Variants in PIGZ observed in about 807,000 individuals in gnomAD.
The protein encoded by PIGZ is phosphatidylinositol glycan anchor biosynthesis class Z (Gwada blood group).
A neutral mutation model predicts 16.4 loss-of-function variants in PIGZ; 16 were observed. The observed-to-expected ratio is 0.97, with a 90% CI of 0.66 to 1.48. PIGZ has a LOEUF of 1.48. Among genes scored for constraint, PIGZ ranks in the 40% most tolerant of loss-of-function variants. PIGZ has a pLI of 0.00. For missense variants in PIGZ, 770 were observed against 739.2 expected (o/e 1.04, Z -0.48); for synonymous variants, 409 against 338.4 (o/e 1.21, Z -2.29).
At chr3:196,960,053 T>G (rs1386757589) in intron 1 of PIGZ, among the ~76,000 whole-genome samples, 1 of 152,232 alleles carries the variant, frequency 6.6e-6, no homozygotes, top group Non-Finnish European at 1.5e-5. Flanking sequence ...CCCCACTTTG[T>G]GGGAATGGAG....
chr3:196,968,187 TGGCCCGAAGTGCAGCCCCC>T (rs1456422593), intron 1 of PIGZ, among the ~76,000 whole-genome samples: 9 of 152,196 alleles, frequency 5.9e-5, no homozygotes, highest in Non-Finnish European at 1.2e-4. Context: ...AGTGCAGGCC[TGGCCCGAAGTGCAGCCCCC>T]GAGGCCGGGA....
At position 196,947,354 on chromosome 3, in the gene PIGZ, A is replaced by G; in HGVS notation, c.1543T>C (p.Trp515Arg). ...QPACQVAGGPWLCRLFVVTPG... is the reference protein window; with the variant it reads ...QPACQVAGGPRLCRLFVVTPG... ...GTTACCACAAAGAGGCGGCAGAGCC[A>G]TGGCCCACCAGCCACTTGGCAGGCT... Residue 515 changes from tryptophan to arginine, a missense_variant, in exon 3 of 3, where the codon TGG becomes CGG. Coordinates refer to ENST00000412723, the MANE Select transcript of PIGZ (RefSeq NM_025163.4). The G allele has an allele frequency of 1.2e-6, 2 of 1,614,198 alleles. No homozygotes were observed. The highest frequency in any genetic ancestry group is 1.7e-6 in the Non-Finnish European group (2 of 1,180,040).
At chr3:196,961,154 T>C (rs1032295919) in intron 1 of PIGZ, among the ~76,000 whole-genome samples, 1 of 152,194 alleles carries the variant, frequency 6.6e-6, no homozygotes, top group African/African-American at 2.4e-5. Flanking sequence ...GCTGTGGTGG[T>C]TGGGCAATGG....
In PIGZ at chr3:196,947,223, G is replaced by A. The variant is rs751718300; in HGVS notation, c.1674C>T (p.Ser558=). The change falls in exon 3 of 3, where the codon TCC becomes TCT. Residue 558 remains serine (S), a synonymous_variant. Transcript: ENST00000412723. ...LTLEDPPALS[S]LLSGAWRDHL... The stretch of plus-strand genomic sequence containing the variant: ...GGTCCCTCCAAGCCCCACTCAGCAA[G>A]GAGGACAGGGCTGGTGGATCCTCCA... 6.2e-7 allele frequency: 1 copy of A among 1,605,398 alleles called. No homozygotes were observed. Among genetic ancestry groups the A allele is most frequent in the South Asian group, 1.1e-5 (1 of 89,310 alleles).
chr3:196,947,317 G>T lies in PIGZ; in HGVS notation c.1580C>A (p.Thr527Asn), dbSNP rs751701476. 25 of 1,614,060 alleles carry T rather than the reference G, an allele frequency of 1.5e-5. No homozygotes were observed. Among genetic ancestry groups the T allele is most frequent in the Non-Finnish European group, 2.0e-5 (24 of 1,180,022 alleles). Residue 527 changes from threonine to asparagine, a missense_variant, in exon 3 of 3, where the codon ACC becomes AAC. By Grantham distance (65) the Thr-to-Asn change is moderately conservative (BLOSUM62 0). Transcript: ENST00000412723. Reference sequence around the variant, plus strand: ...GCTGCACTTCTCCACGGCACGCCTGGTGGTGCCAGGGGTTACCACAAAGAG... The same window carrying T: ...GCTGCACTTCTCCACGGCACGCCTGTTGGTGCCAGGGGTTACCACAAAGAG... ...CRLFVVTPGT[T>N]RRAVEKCSFP...
chr3:196,957,381 C>CTTT (rs34320533), intron 1 of PIGZ, among the ~76,000 whole-genome samples: 3 of 143,590 alleles, frequency 2.1e-5, no homozygotes, highest in Non-Finnish European at 3.0e-5. Context: ...TTTTTTCTTC[C>CTTT]TTTTTTTTTT....
In PIGZ at chr3:196,961,495, G is replaced by T. The variant is rs559134874; in HGVS notation, c.-1+7192C>A. ...GTGGTGGTGCACCCCTGTAGTCCCA[G>T]CTCCTTGGGAGGCAGAGGCAGGAGG... On this transcript the variant is annotated intron_variant, in intron 1 of 2. Transcript: ENST00000412723. 5.9e-4 allele frequency among the ~76,000 whole-genome samples: 90 copies of T among 152,292 alleles called. 1 individual carries two copies. The highest frequency in any genetic ancestry group is 3.4e-3 in the Middle Eastern group (1 of 294).
rs937016154 is a variant in PIGZ, at chr3:196,965,550, C to T, written c.-1+3137G>A. 6.6e-6 allele frequency among the ~76,000 whole-genome samples: 1 copy of T among 152,182 alleles called. No individual in the cohort carries two copies. Among genetic ancestry groups the T allele is most frequent in the Non-Finnish European group, 1.5e-5 (1 of 68,038 alleles). ...ACGGGCTATCTCCCTCCTCCTTTGT[C>T]CCTGCACTACGTAATGCCAACGTTG... On this transcript the variant is annotated intron_variant, in intron 1 of 2. Transcript: ENST00000412723. This position sits in a 1 kb window ranked among gnomAD's most constrained non-coding sequence, Gnocchi z 4.2.
intron 1 of PIGZ, among the ~76,000 whole-genome samples, chr3:196,959,576 A>G (rs981554778): frequency 6.6e-6 from 1 of 152,094 alleles, no homozygotes; most frequent in Admixed American, 6.5e-5. Context: ...TCTTAGAAAA[A>G]CAACCAACCA....
chr3:196,967,946 T>C (rs772261400), intron 1 of PIGZ, among the ~76,000 whole-genome samples: 7 of 152,200 alleles, frequency 4.6e-5, no homozygotes, highest in Non-Finnish European at 1.0e-4. Flanking sequence ...ATTTTGAAAG[T>C]AGTTCTCAGT....
At chr3:196,967,927 G>T (rs1182938803) in intron 1 of PIGZ, among the ~76,000 whole-genome samples, 1 of 152,250 alleles carries the variant, frequency 6.6e-6, no homozygotes, top group African/African-American at 2.4e-5. Flanking sequence ...GGAGATGGGG[G>T]TGTTGACGAT....
At chr3:196,957,785 A>G (rs914527579) in intron 1 of PIGZ, among the ~76,000 whole-genome samples, 9 of 152,212 alleles carry the variant, frequency 5.9e-5, no homozygotes, top group Non-Finnish European at 1.3e-4. Flanking sequence ...AGTAAGCTTT[A>G]TCTTCTGTCC....
At chr3:196,960,761 A>AAGAAAGAAAGAAAGAC (rs761375018) in intron 1 of PIGZ, among the ~76,000 whole-genome samples, 3 of 151,530 alleles carry the variant, frequency 2.0e-5, no homozygotes, top group East Asian at 3.8e-4. Flanking sequence ...GAAAGAAAGA[A>AAGAAAGAAAGAAAGAC]AGAAAAGAAA....
chr3:196,956,396 C>T (rs990431732), intron 1 of PIGZ, among the ~76,000 whole-genome samples: 12 of 152,138 alleles, frequency 7.9e-5, no homozygotes, highest in Admixed American at 1.3e-4. Context: ...GAGAAGCAAG[C>T]GAATGAGACG....
chr3:196,946,852 T>A lies in PIGZ; in HGVS notation c.*305A>T. ...TGTCTTTTTTCACAACCAGGTACTA[T>A]CACATATTTCAAACATCACAGTGGC... is the stretch of plus-strand genomic sequence containing the variant. On this transcript the variant is annotated 3_prime_UTR_variant, in exon 3 of 3. Transcript: ENST00000412723. 3.2e-6 allele frequency: 1 copy of A among 312,190 alleles called. No individual in the cohort carries two copies. The highest frequency in any genetic ancestry group is 5.7e-5 in the East Asian group (1 of 17,494). The allele number at this position is 312,190 out of a possible 1,614,324, so 19.3% of individuals were successfully genotyped here.
rs746799326 is a variant in PIGZ at position 196,947,452 on chromosome 3, AC to A, written c.1444del (p.Val482TrpfsTer18). 1.3e-5 allele frequency: 21 copies of A among 1,613,428 alleles called. No homozygotes were observed. Among genetic ancestry groups the A allele is most frequent in the Non-Finnish European group, 1.8e-5 (21 of 1,179,956 alleles). Reference protein sequence around the residue: ...LLHLPGLGAPVEVVDMGGTED... With the variant: ...LLHLPGLGAPXEVVDMGGTED... ...AGTCCCCCCCATGTCCACCACCTCC[AC>A]TGGTGCCCCCAGGCCTGGGAGGTGT... On this transcript the variant is annotated frameshift_variant, in exon 3 of 3. Coordinates refer to ENST00000412723, the MANE Select transcript of PIGZ (RefSeq NM_025163.4). LOFTEE classifies it high-confidence loss of function.
Position 196,946,972 on chromosome 3 carries a change from A to G in PIGZ, c.*185T>C. The G allele has an allele frequency of 1.8e-6, 1 of 540,928 alleles. No homozygotes were observed. The highest frequency in any genetic ancestry group is 3.1e-5 in the East Asian group (1 of 32,672). 33.5% of individuals were successfully genotyped at this position (540,928 alleles called of 1,614,324 possible). ...ACCGACAGGTCAAATCTTTGGTCTC[A>G]GGGAGAAGAGTGCCAGCTCACCCAG... On this transcript the variant is annotated 3_prime_UTR_variant, in exon 3 of 3. Transcript: ENST00000412723.
Position 196,948,685 on chromosome 3 carries a change from T to G in PIGZ, c.212A>C (p.Glu71Ala). 2 of 1,448,016 alleles carry G rather than the reference T, an allele frequency of 1.4e-6. No homozygotes were observed. Among genetic ancestry groups the G allele is most frequent in the Non-Finnish European group, 1.8e-6 (2 of 1,102,868 alleles). The allele number at this position is 1,448,016 out of a possible 1,614,324, so 89.7% of individuals were successfully genotyped here. A position where few individuals can be genotyped will look rare whatever the true frequency, so the allele number is the denominator to read the frequency against. The change falls in exon 3 of 3, where the codon GAG becomes GCG. Residue 71 changes from glutamate to alanine, a missense_variant and splice_region_variant. Coordinates refer to ENST00000412723, the MANE Select transcript of PIGZ (RefSeq NM_025163.4). ...EFFQSPEVMA[E>A]DILGVQAARP... ...CGCGGCCTGAACGCCCAGGATGTCCTCTGCAGAGAGAGGCAGAGGTGAGCC... is the reference window on the plus strand; with the variant it reads ...CGCGGCCTGAACGCCCAGGATGTCCGCTGCAGAGAGAGGCAGAGGTGAGCC...
intron 1 of PIGZ, among the ~76,000 whole-genome samples, chr3:196,963,517 C>T (rs1278300285): frequency 6.6e-6 from 1 of 152,204 alleles, no homozygotes; most frequent in African/African-American, 2.4e-5. Flanking sequence ...TGATTTGCAC[C>T]TGCATTTCTC....
Sources: allele counts gnomAD v4.1 joint callset (sites outside exome capture counted in the v4.1 genomes callset), GRCh38; gene constraint gnomAD v4.1.1; non-coding constraint Gnocchi (gnomAD v3.1); transcripts MANE v1.5; gene names NCBI Gene and HGNC (gene_info 2026-07-23, HGNC 2026-07-21).